Variants in CACNA1A observed in about 807,000 individuals in gnomAD.
CACNA1A encodes calcium voltage-gated channel subunit alpha1 A.
In CACNA1A, 57 loss-of-function variants were observed where a neutral mutation model predicts 262.4. The observed-to-expected ratio is 0.22, with a 90% CI of 0.18 to 0.27. The LOEUF is 0.27. Among genes scored for constraint, CACNA1A ranks in the 10% least tolerant of loss-of-function variants. The probability of loss-of-function intolerance (pLI) is 1.00; values close to 1 mark genes in which losing one functional copy is unlikely to be tolerated. For missense variants in CACNA1A, 2,526 were observed against 3,562.8 expected (o/e 0.71, Z 7.41); for synonymous variants, 1,431 against 1,419.3 (o/e 1.01, Z -0.18).
At chr19:13,464,314 G>T (rs1352767324) in intron 1 of CACNA1A, among the ~76,000 whole-genome samples, 1 of 152,104 alleles carries the variant, frequency 6.6e-6, no homozygotes, top group Non-Finnish European at 1.5e-5. Context: ...CAAGAAGATT[G>T]CTTGAACCTG....
At chr19:13,371,088 A>G (rs1339946992) in intron 4 of CACNA1A, 3 of 152,190 alleles carry the variant, frequency 2.0e-5, no homozygotes, top group Non-Finnish European at 4.4e-5. Flanking sequence ...ATTACTGTCC[A>G]CTCTAAGAAT....
intron 25 of CACNA1A, 145 bp from the exon 26 acceptor site, chr19:13,261,755 C>G: frequency 1.4e-6 from 1 of 724,192 alleles, no homozygotes; most frequent in Non-Finnish European, 2.3e-6. Context: ...GGTAAGGTCC[C>G]CCCAGCTTTC....
At chr19:13,414,748 A>G (rs570960398) in intron 3 of CACNA1A, among the ~76,000 whole-genome samples, 1 of 151,544 alleles carries the variant, frequency 6.6e-6, no homozygotes, top group Non-Finnish European at 1.5e-5. Flanking sequence ...GCTTGAGCCC[A>G]GGAGTTAGAG....
intron 3 of CACNA1A, among the ~76,000 whole-genome samples, chr19:13,427,383 C>T (rs12978924): frequency 0.13 from 20,172 of 151,668 alleles, 1,740 homozygotes; most frequent in Non-Finnish European, 0.2. Flanking sequence ...ACCCAGGAGG[C>T]GGAGGTTGCA....
chr19:13,502,695 G>A (rs1301508492), intron 1 of CACNA1A, among the ~76,000 whole-genome samples: 1 of 152,196 alleles, frequency 6.6e-6, no homozygotes, highest in African/African-American at 2.4e-5. Flanking sequence ...CACTTAGGAA[G>A]AGGGGAAAAA....
intron 31 of CACNA1A, among the ~76,000 whole-genome samples, chr19:13,242,668 T>C (rs2056110853): frequency 6.6e-6 from 1 of 152,238 alleles, no homozygotes; most frequent in East Asian, 1.9e-4. Flanking sequence ...GCAGACACTC[T>C]GTATTCTTGG....
At chr19:13,377,971 T>TA (rs1414327879) in intron 3 of CACNA1A, among the ~76,000 whole-genome samples, 36 of 151,298 alleles carry the variant, frequency 2.4e-4, no homozygotes, top group East Asian at 2.4e-3. Context: ...CAATTAAAAA[T>TA]AAAAAAACAA....
At chr19:13,482,310 C>G (rs1406194369) in intron 1 of CACNA1A, among the ~76,000 whole-genome samples, 1 of 151,866 alleles carries the variant, frequency 6.6e-6, no homozygotes, top group Non-Finnish European at 1.5e-5. Context: ...AGTGAAACCC[C>G]GTCTCTACTA....
chr19:13,442,918 G>A (rs529669453), intron 3 of CACNA1A, among the ~76,000 whole-genome samples: 17 of 152,318 alleles, frequency 1.1e-4, no homozygotes, highest in Non-Finnish European at 1.9e-4. Flanking sequence ...GAGAAATAGC[G>A]TAGGATTCAA....
chr19:13,334,850 C>T (rs1020547116), intron 7 of CACNA1A, among the ~76,000 whole-genome samples: 1 of 151,866 alleles, frequency 6.6e-6, no homozygotes, highest in African/African-American at 2.4e-5. Flanking sequence ...GCCTGGACAA[C>T]ACAGTGGGCC....
intron 1 of CACNA1A, among the ~76,000 whole-genome samples, chr19:13,489,332 A>G (rs553111472): frequency 3.3e-5 from 5 of 152,094 alleles, no homozygotes; most frequent in Non-Finnish European, 7.4e-5. Flanking sequence ...CTAAAATTGC[A>G]ATAGCCATGT....
chr19:13,213,192 C>G (rs1296078904), intron 40 of CACNA1A, among the ~76,000 whole-genome samples: 2 of 152,220 alleles, frequency 1.3e-5, no homozygotes, highest in Non-Finnish European at 2.9e-5. Flanking sequence ...CTGCTCTTTT[C>G]CACCACACTG....
At chr19:13,409,473 T>A (rs1470820346) in intron 3 of CACNA1A, among the ~76,000 whole-genome samples, 2 of 152,104 alleles carry the variant, frequency 1.3e-5, no homozygotes, top group African/African-American at 4.8e-5. Flanking sequence ...ATTGTTGATG[T>A]CTGTATCTCC....
At chr19:13,415,915 G>T (rs2060212897) in intron 3 of CACNA1A, among the ~76,000 whole-genome samples, 1 of 152,046 alleles carries the variant, frequency 6.6e-6, no homozygotes, top group Non-Finnish European at 1.5e-5. Context: ...TCTCTCACCA[G>T]CTGGCCTGTG....
chr19:13,453,836 C>A (rs982337454), intron 2 of CACNA1A, among the ~76,000 whole-genome samples: 1 of 152,118 alleles, frequency 6.6e-6, no homozygotes, highest in African/African-American at 2.4e-5. Context: ...TAGCTTGCCA[C>A]TGGTACTTCT....
intron 3 of CACNA1A, among the ~76,000 whole-genome samples, chr19:13,403,792 CA>C (rs897061492): frequency 2.0e-5 from 3 of 150,818 alleles, no homozygotes; most frequent in South Asian, 2.1e-4. Flanking sequence ...AACAAACAAA[CA>C]AAAAAAAACT....
intron 19 of CACNA1A, among the ~76,000 whole-genome samples, chr19:13,290,766 C>A (rs1429504617): frequency 6.7e-6 from 1 of 149,174 alleles, no homozygotes; most frequent in Admixed American, 6.7e-5. Context: ...CATATATATA[C>A]ACATTTCAGA....
intron 3 of CACNA1A, among the ~76,000 whole-genome samples, chr19:13,433,063 G>C (rs2144839580): frequency 6.6e-6 from 1 of 152,170 alleles, no homozygotes; most frequent in Admixed American, 6.5e-5. Flanking sequence ...GGAGGCTGAG[G>C]TGGGCGGATC....
chr19:13,307,662 G>A (rs1023829828), intron 15 of CACNA1A, 120 bp downstream of exon 15: 42 of 732,674 alleles, frequency 5.7e-5, no homozygotes, highest in Non-Finnish European at 9.8e-5. Context: ...GTGTTTCAAA[G>A]TGGTGTGAAA....
Sources: gnomAD v4.1 joint callset for allele counts (sites outside exome capture counted in the v4.1 genomes callset) on GRCh38, gnomAD v4.1.1 for gene constraint, MANE v1.5 for transcripts, NCBI Gene and HGNC (gene_info 2026-07-23, HGNC 2026-07-21) for gene names.